TFDP2: variants seen among roughly 807,000 people sequenced by gnomAD.
TFDP2 encodes transcription factor Dp-2.
Under a neutral mutation model 59.3 loss-of-function variants are expected in TFDP2, and 17 were observed. The observed-to-expected ratio is 0.29, with a 90% CI of 0.20 to 0.43. TFDP2 has a LOEUF of 0.43. Among genes scored for constraint, TFDP2 ranks in the 20% least tolerant of loss-of-function variants. The pLI is 1.00. For synonymous variants in TFDP2, 180 were observed against 194.7 expected, an observed-to-expected ratio of 0.92 and a Z score of 0.63; for missense variants, 391 against 528.8, an observed-to-expected ratio of 0.74 and a Z score of 2.56.
chr3:142,076,797 A>C lies in TFDP2; in HGVS notation c.82+16264T>G, dbSNP rs529043808. On this transcript the variant is annotated intron_variant, in intron 3 of 12. Transcript: ENST00000489671. ...GCTGGGGAATGAAGCAAGATGGCCA[A>C]ATAGAAGCCTCTACCCATGGTCCCT... is the stretch of plus-strand genomic sequence containing the variant. 3.9e-5 allele frequency among the ~76,000 whole-genome samples: 6 copies of C among 152,318 alleles called. 1 individual carries two copies. Among genetic ancestry groups the C allele is most frequent in the African/African-American group, 1.4e-4 (6 of 41,562 alleles).
chr3:141,991,081 C>T (rs1004769699), intron 6 of TFDP2, among the ~76,000 whole-genome samples: 8 of 151,874 alleles, frequency 5.3e-5, no homozygotes, highest in African/African-American at 1.9e-4. Flanking sequence ...ACAAACAAAC[C>T]CCACTAATAT....
At chr3:142,044,180 GAAGCCTGAGCA>G in intron 3 of TFDP2, 1 of 478,648 alleles carries the variant, frequency 2.1e-6, no homozygotes, top group Non-Finnish European at 3.8e-6. Context: ...AGCCTCTTCT[GAAGCCTGAGCA>G]TACTCATGGC....
At chr3:142,077,540 C>T (rs1171778911) in intron 3 of TFDP2, among the ~76,000 whole-genome samples, 2 of 152,120 alleles carry the variant, frequency 1.3e-5, no homozygotes, top group East Asian at 1.9e-4. Context: ...ATTCTAAGCC[C>T]TAGCTCCCAG....
At chr3:142,032,629 G>A (rs1323004417) in intron 3 of TFDP2, among the ~76,000 whole-genome samples, 6 of 152,002 alleles carry the variant, frequency 3.9e-5, no homozygotes, top group Admixed American at 3.9e-4. Context: ...ACTCAGTATT[G>A]AACTTCCTGT....
chr3:141,948,326 GA>G lies in TFDP2; in HGVS notation c.*4186del, dbSNP rs1935478836. ...GGAGGCTGAGGTGGGCAGATCACCT[GA>G]GGTCAGGAGTTCGACACCAGCCTGG... On this transcript the variant is annotated 3_prime_UTR_variant, in exon 13 of 13. Transcript: ENST00000489671. The G allele has an allele frequency of 6.6e-6, 1 of 152,184 alleles. No individual in the cohort carries two copies. The highest frequency in any genetic ancestry group is 2.4e-5 in the African/African-American group (1 of 41,410). The allele number at this position is 152,184 out of a possible 1,614,324, so 9.4% of individuals were successfully genotyped here.
At chr3:142,114,395 T>C (rs1193483920) in intron 1 of TFDP2, among the ~76,000 whole-genome samples, 1 of 152,196 alleles carries the variant, frequency 6.6e-6, no homozygotes, top group East Asian at 1.9e-4. Context: ...TATGTATAAA[T>C]GTTTAAGAAT....
At chr3:142,087,808 G>T (rs552354663) in intron 3 of TFDP2, among the ~76,000 whole-genome samples, 2 of 152,214 alleles carry the variant, frequency 1.3e-5, no homozygotes, top group Admixed American at 1.3e-4. Context: ...AGCCTATTTT[G>T]CATATTTCTT....
intron 1 of TFDP2, among the ~76,000 whole-genome samples, chr3:142,103,410 T>C (rs774120544): frequency 6.6e-6 from 1 of 152,158 alleles, no homozygotes; most frequent in South Asian, 2.1e-4. Flanking sequence ...ATTGTTTCAA[T>C]GTTACATTTC....
intron 4 of TFDP2, among the ~76,000 whole-genome samples, chr3:141,998,832 T>C (rs1474090466): frequency 1.3e-5 from 2 of 152,122 alleles, no homozygotes; most frequent in East Asian, 3.8e-4. Flanking sequence ...TCTGAACATT[T>C]TCCTGCCCTC....
chr3:141,995,949 G>T (rs1371504701), intron 4 of TFDP2, among the ~76,000 whole-genome samples: 3 of 138,998 alleles, frequency 2.2e-5, no homozygotes, highest in Non-Finnish European at 4.7e-5. Flanking sequence ...ATAGTTTAAA[G>T]ACCATAAAAC....
At chr3:141,956,946 C>CT (rs1013476463) in intron 11 of TFDP2, among the ~76,000 whole-genome samples, 1 of 151,038 alleles carries the variant, frequency 6.6e-6, no homozygotes, top group South Asian at 2.1e-4. Context: ...CCCCACCCCC[C>CT]CCACAAAAAT....
intron 3 of TFDP2, among the ~76,000 whole-genome samples, chr3:142,059,098 T>C (rs897235667): frequency 1.3e-5 from 2 of 152,336 alleles, no homozygotes; most frequent in Non-Finnish European, 2.9e-5. Context: ...ATTATACACA[T>C]TGATATTACA....
intron 1 of TFDP2, among the ~76,000 whole-genome samples, chr3:142,130,393 T>A (rs946915831): frequency 6.6e-6 from 1 of 152,056 alleles, no homozygotes; most frequent in African/African-American, 2.4e-5. Context: ...AGTAATCTAA[T>A]TCACAGAGAC....
In TFDP2 at chr3:141,966,845, A is replaced by T. The variant is rs147937570; in HGVS notation, c.733-2882T>A. Among the ~76,000 whole-genome samples the T allele has an allele frequency of 1.1e-3, 170 of 150,758 alleles. 5 individuals are homozygous for T. Among genetic ancestry groups the T allele is most frequent in the African/African-American group, 3.9e-3 (157 of 40,736 alleles). On this transcript the variant is annotated intron_variant, in intron 9 of 12. Transcript: ENST00000489671. ...GTAATAGTTACCTGTGTCATGTGAC[A>T]TGAGTGAGTTGTGACATGAGCTTAT...
chr3:142,066,323 C>T (rs993310323), intron 3 of TFDP2, among the ~76,000 whole-genome samples: 2 of 152,118 alleles, frequency 1.3e-5, no homozygotes, highest in African/African-American at 2.4e-5. Flanking sequence ...AAGTATGATG[C>T]GGTTACATCC....
At chr3:142,058,671 A>G (rs1038297729) in intron 3 of TFDP2, among the ~76,000 whole-genome samples, 1 of 152,200 alleles carries the variant, frequency 6.6e-6, no homozygotes, top group South Asian at 2.1e-4. Context: ...CAAATCGAAG[A>G]GAAACGTAAG....
chr3:141,997,742 T>C (rs985082703), intron 4 of TFDP2, among the ~76,000 whole-genome samples: 1 of 147,812 alleles, frequency 6.8e-6, no homozygotes, highest in Non-Finnish European at 1.5e-5. Context: ...CTCAGCTACC[T>C]GGAAGGCTGA....
intron 2 of TFDP2, among the ~76,000 whole-genome samples, chr3:142,095,775 T>G (rs1038076314): frequency 6.6e-6 from 1 of 152,222 alleles, no homozygotes; most frequent in Non-Finnish European, 1.5e-5. Flanking sequence ...CTTTTTAAAC[T>G]CTTCTGCTAT....
chr3:142,070,564 GCCACTATGC>G (rs762746611), intron 3 of TFDP2, among the ~76,000 whole-genome samples: 14 of 152,256 alleles, frequency 9.2e-5, no homozygotes, highest in Non-Finnish European at 1.6e-4. Context: ...ACAGGCATGA[GCCACTATGC>G]CCAGCCCTCA....
Sources: allele counts gnomAD v4.1 joint callset (sites outside exome capture counted in the v4.1 genomes callset), GRCh38; gene constraint gnomAD v4.1.1; transcripts MANE v1.5; gene names NCBI Gene and HGNC (gene_info 2026-07-23, HGNC 2026-07-21).